EPS8: variants seen among roughly 807,000 people sequenced by gnomAD.
EPS8 encodes the protein EGFR pathway substrate 8, signaling adaptor.
In EPS8, 42 loss-of-function variants were observed where a neutral mutation model predicts 103.8. The observed-to-expected ratio is 0.40, with a 90% CI of 0.32 to 0.52. The LOEUF is 0.52. EPS8 is among the 20% of genes least tolerant of loss of function. The probability of loss-of-function intolerance (pLI) is 0.40; values close to 1 mark genes in which losing one functional copy is unlikely to be tolerated. For synonymous variants in EPS8, 344 were observed against 344.6 expected (o/e 1.00, Z 0.02); for missense variants, 969 against 1,005.1 (o/e 0.96, Z 0.49).
chr12:15,648,671 C>T (rs1048228290), intron 14 of EPS8, among the ~76,000 whole-genome samples: 1 of 152,152 alleles, frequency 6.6e-6, no homozygotes, highest in Non-Finnish European at 1.5e-5. Context: ...GTTGGAAGCA[C>T]CCACACCTTT....
rs977042834 is a variant in EPS8 at position 15,736,646 on chromosome 12, T to C, written c.-22+52515A>G. On this transcript the variant is annotated intron_variant, in intron 1 of 20. Transcript: ENST00000281172. The surrounding 1 kb of genome is among the most constrained non-coding windows in gnomAD (Gnocchi z 4.2). The stretch of plus-strand genomic sequence containing the variant: ...TCCGCAGCAGGTTAGAAGCATTAAA[T>C]TTGAATTTAGGAAGCTAGGGTTGCT... Among the ~76,000 whole-genome samples, 1 of 152,150 alleles carries C rather than the reference T, an allele frequency of 6.6e-6. No individual in the cohort carries two copies. The highest frequency in any genetic ancestry group is 2.4e-5 in the African/African-American group (1 of 41,418).
chr12:15,685,243 C>T (rs1946075378), intron 1 of EPS8, among the ~76,000 whole-genome samples: 1 of 152,254 alleles, frequency 6.6e-6, no homozygotes, highest in Admixed American at 6.5e-5. Flanking sequence ...GTCAATTAAG[C>T]CTCTGGCCTC....
chr12:15,642,489 C>A (rs1945250235), intron 15 of EPS8, among the ~76,000 whole-genome samples: 1 of 151,908 alleles, frequency 6.6e-6, no homozygotes, highest in African/African-American at 2.4e-5. Flanking sequence ...CCTTAAAAAA[C>A]CAAATACCTC....
intron 6 of EPS8, among the ~76,000 whole-genome samples, chr12:15,668,719 C>T (rs1591837761): frequency 2.0e-5 from 3 of 152,130 alleles, no homozygotes; most frequent in Admixed American, 2.0e-4. Flanking sequence ...TGGGAAATGT[C>T]TAAGTACTTC....
chr12:15,717,836 G>C lies in EPS8; in HGVS notation c.-21-34864C>G, dbSNP rs1946549869. Reference sequence around the variant, plus strand: ...CAAAATGGTAGTTTTGCCTTAAATTGGCAATGTTTAGGAATGCATTAAGGG... The same window carrying C: ...CAAAATGGTAGTTTTGCCTTAAATTCGCAATGTTTAGGAATGCATTAAGGG... On this transcript the variant is annotated intron_variant, in intron 1 of 20. Transcript: ENST00000281172. This position sits in a 1 kb window ranked among gnomAD's most constrained non-coding sequence, Gnocchi z 4.3. Among the ~76,000 whole-genome samples, 1 of 152,092 alleles carries C rather than the reference G, an allele frequency of 6.6e-6. No individual in the cohort carries two copies. The highest frequency in any genetic ancestry group is 1.5e-5 in the Non-Finnish European group (1 of 68,024).
chr12:15,620,515 G>C lies in EPS8; in HGVS notation c.*802C>G, dbSNP rs1428046491. The C allele has an allele frequency of 6.6e-6, 1 of 152,584 alleles. No homozygotes were observed. Among genetic ancestry groups the C allele is most frequent in the Non-Finnish European group, 1.5e-5 (1 of 68,012 alleles). The allele number at this position is 152,584 out of a possible 1,614,324, so 9.5% of individuals were successfully genotyped here. A position where few individuals can be genotyped will look rare whatever the true frequency, so the allele number is the denominator to read the frequency against. The stretch of plus-strand genomic sequence containing the variant: ...TTTTAACTACTCATATCAACATTCA[G>C]AACTGAGGCTTTCATTAAGCAAAAT... On this transcript the variant is annotated 3_prime_UTR_variant, in exon 21 of 21. Coordinates refer to ENST00000281172, the MANE Select transcript of EPS8 (RefSeq NM_004447.6).
chr12:15,622,451 A>G (rs376187357), intron 20 of EPS8, among the ~76,000 whole-genome samples: 1 of 152,168 alleles, frequency 6.6e-6, no homozygotes, highest in Non-Finnish European at 1.5e-5. Context: ...TTATGGATCA[A>G]TTTCATGCCA....
chr12:15,669,974 T>C lies in EPS8; in HGVS notation c.205-149A>G, dbSNP rs78618027. On this transcript the variant is annotated intron_variant, in intron 4 of 20. Transcript: ENST00000281172. Reference sequence around the variant, plus strand: ...AGTACTCTTAAAACTTCATGACTATTTTAATGAGAGAATAAAGCCAACCAA... The same window carrying C: ...AGTACTCTTAAAACTTCATGACTATCTTAATGAGAGAATAAAGCCAACCAA... 9.0e-3 allele frequency: 5,023 copies of C among 557,086 alleles called. 44 individuals are homozygous for C. Among genetic ancestry groups the C allele is most frequent in the Middle Eastern group, 0.012 (25 of 2,100 alleles). 34.5% of individuals were successfully genotyped at this position (557,086 alleles called of 1,614,324 possible). A position where few individuals can be genotyped will look rare whatever the true frequency, so the allele number is the denominator to read the frequency against.
rs1196790408 is a variant in EPS8, at chr12:15,690,499, C to T, written c.-21-7527G>A. On this transcript the variant is annotated intron_variant, in intron 1 of 20. Coordinates refer to ENST00000281172, the MANE Select transcript of EPS8 (RefSeq NM_004447.6). This position sits in a 1 kb window ranked among gnomAD's most constrained non-coding sequence, Gnocchi z 4.7. ...TCTCAACTTCCTCTCTTCCTGCCTGCCATAATATTCTAACATTGATTGTTT... is the reference window on the plus strand; with the variant it reads ...TCTCAACTTCCTCTCTTCCTGCCTGTCATAATATTCTAACATTGATTGTTT... Among the ~76,000 whole-genome samples, 1 of 152,104 alleles carries T rather than the reference C, an allele frequency of 6.6e-6. No homozygotes were observed. The highest frequency in any genetic ancestry group is 2.4e-5 in the African/African-American group (1 of 41,436).
rs1424667950 is a variant in EPS8 at position 15,749,138 on chromosome 12, CCTGA to C, written c.-22+40019_-22+40022del. On this transcript the variant is annotated intron_variant, in intron 1 of 20. Coordinates refer to ENST00000281172, the MANE Select transcript of EPS8 (RefSeq NM_004447.6). The surrounding 1 kb of genome is among the most constrained non-coding windows in gnomAD (Gnocchi z 4.0). ...AATTTGTCATAAAATGTATTGATTA[CCTGA>C]CTATTTAAGATTATGCCTTAGGCTC... Among the ~76,000 whole-genome samples the C allele has an allele frequency of 6.6e-6, 1 of 151,896 alleles. No homozygotes were observed. The highest frequency in any genetic ancestry group is 2.4e-5 in the African/African-American group (1 of 41,334).
Position 15,734,560 on chromosome 12 carries a change from G to C in EPS8, c.-21-51588C>G, listed in dbSNP as rs990958859. Among the ~76,000 whole-genome samples the C allele has an allele frequency of 3.3e-5, 5 of 152,092 alleles. No homozygotes were observed. The highest frequency in any genetic ancestry group is 1.2e-4 in the African/African-American group (5 of 41,422). ...ATACAAAGAATTAGCCGGGCATGGT[G>C]GTGGGCGCCTGTGGTCCCAGCTACT... is the stretch of plus-strand genomic sequence containing the variant. On this transcript the variant is annotated intron_variant, in intron 1 of 20. Coordinates refer to ENST00000281172, the MANE Select transcript of EPS8 (RefSeq NM_004447.6). The surrounding 1 kb of genome is among the most constrained non-coding windows in gnomAD (Gnocchi z 4.1).
Position 15,631,648 on chromosome 12 carries a change from T to C in EPS8, c.1838A>G (p.Tyr613Cys), listed in dbSNP as rs74888964. 4.7e-4 allele frequency: 752 copies of C among 1,611,404 alleles called. 7 individuals are homozygous for C. Among genetic ancestry groups the C allele is most frequent in the South Asian group, 1.2e-3 (106 of 90,598 alleles). ...GGGAGTATCAGCTGGTCTTGGGCCA[T>C]ACTCCATCCTTTGTTTCTATAAAAA... ...THTIQKQRME[Y>C]GPRPADTPPA... is the part of the protein sequence containing the mutation. The change falls in exon 18 of 21, where the codon TAT (tyrosine) becomes TGT (cysteine). Residue 613 changes from tyrosine to cysteine, a missense_variant. Coordinates refer to ENST00000281172, the MANE Select transcript of EPS8 (RefSeq NM_004447.6).
Position 15,698,398 on chromosome 12 carries a change from T to A in EPS8, c.-21-15426A>T, listed in dbSNP as rs1052432130. ...ACTACTCAAGGAAAAGAACAAGCAG[T>A]GTCAACTAGACTCCCCAACCCCCGC... On this transcript the variant is annotated intron_variant, in intron 1 of 20. Transcript: ENST00000281172. The surrounding 1 kb of genome is among the most constrained non-coding windows in gnomAD (Gnocchi z 4.9). Among the ~76,000 whole-genome samples, 3 of 152,122 alleles carry A rather than the reference T, an allele frequency of 2.0e-5. No homozygotes were observed. Among genetic ancestry groups the A allele is most frequent in the Non-Finnish European group, 1.5e-5 (1 of 68,038 alleles).
chr12:15,673,182 CA>C (rs1242697092), intron 3 of EPS8, among the ~76,000 whole-genome samples: 1 of 152,172 alleles, frequency 6.6e-6, no homozygotes, highest in Non-Finnish European at 1.5e-5. Flanking sequence ...GATATGGTGT[CA>C]TTTCTAATAT....
chr12:15,635,465 A>G (rs1945117761), intron 17 of EPS8, among the ~76,000 whole-genome samples: 1 of 152,160 alleles, frequency 6.6e-6, no homozygotes. Flanking sequence ...GAATATTATC[A>G]GGAGGTTGGC....
rs530826528 is a variant in EPS8, at chr12:15,721,148, T to A, written c.-21-38176A>T. On this transcript the variant is annotated intron_variant, in intron 1 of 20. Transcript: ENST00000281172. This position sits in a 1 kb window ranked among gnomAD's most constrained non-coding sequence, Gnocchi z 4.4. Reference sequence around the variant, plus strand: ...TAATAGGTGAAGGCAATCAAAAATATGTCCACATATACTCAGAGTGAAAAG... The same window carrying A: ...TAATAGGTGAAGGCAATCAAAAATAAGTCCACATATACTCAGAGTGAAAAG... Among the ~76,000 whole-genome samples, 6 of 152,310 alleles carry A rather than the reference T, an allele frequency of 3.9e-5. No homozygotes were observed. In the South Asian group the frequency reaches 1.2e-3, roughly 32 times the overall value.
intron 2 of EPS8, 34 bp from the exon 3 acceptor site, chr12:15,681,336 T>TAATAATA: frequency 1.1e-6 from 1 of 923,996 alleles, no homozygotes; most frequent in Non-Finnish European, 1.5e-6. Context: ...ATAATAATAA[T>TAATAATA]ATAAAAAGGT....
rs1947002012 is a variant in EPS8, at chr12:15,757,712, T to G, written c.-22+31449A>C. On this transcript the variant is annotated intron_variant, in intron 1 of 20. Transcript: ENST00000281172. This position sits in a 1 kb window ranked among gnomAD's most constrained non-coding sequence, Gnocchi z 4.1. Reference sequence around the variant, plus strand: ...AAGCCTCATCAGTAACAAGTCACACTGACATTACATGCCCCCTAATGTGAT... The same window carrying G: ...AAGCCTCATCAGTAACAAGTCACACGGACATTACATGCCCCCTAATGTGAT... 6.6e-6 allele frequency among the ~76,000 whole-genome samples: 1 copy of G among 152,170 alleles called. No individual in the cohort carries two copies. The highest frequency in any genetic ancestry group is 2.4e-5 in the African/African-American group (1 of 41,436).
intron 8 of EPS8, among the ~76,000 whole-genome samples, chr12:15,663,974 T>C (rs11056590): frequency 0.42 from 24,538 of 58,298 alleles, 3,466 homozygotes; most frequent in East Asian, 0.61. Context: ...TATATATATA[T>C]ATACACACAC....
Sources: allele counts gnomAD v4.1 joint callset (sites outside exome capture counted in the v4.1 genomes callset), GRCh38; gene constraint gnomAD v4.1.1; non-coding constraint Gnocchi (gnomAD v3.1); transcripts MANE v1.5; gene names NCBI Gene and HGNC (gene_info 2026-07-23, HGNC 2026-07-21).